PVT1: variants seen among roughly 807,000 people sequenced by gnomAD.
PVT1 encodes the protein Pvt1 oncogene.
chr8:127,905,754 T>C (rs1016689325), intron 3 of PVT1, among the ~76,000 whole-genome samples: 1 of 152,178 alleles, frequency 6.6e-6, no homozygotes, highest in Non-Finnish European at 1.5e-5. Flanking sequence ...GGCGAGGAAA[T>C]AGAGGTTGAG....
At chr8:127,923,611 G>A (rs1048429493) in intron 3 of PVT1, among the ~76,000 whole-genome samples, 4 of 152,222 alleles carry the variant, frequency 2.6e-5, no homozygotes, top group Non-Finnish European at 2.9e-5. Flanking sequence ...CTCCCCAACA[G>A]CATCACAGTC....
chr8:127,812,240 A>AAGGAAGGCAGGAAGGC (rs1164337193), intron 2 of PVT1, among the ~76,000 whole-genome samples: 3 of 127,812 alleles, frequency 2.3e-5, no homozygotes, highest in South Asian at 2.4e-4. Flanking sequence ...GGCAGGAAGG[A>AAGGAAGGCAGGAAGGC]AGGAAGGCAG....
At chr8:128,027,027 G>A (rs16902568) in intron 4 of PVT1, among the ~76,000 whole-genome samples, 12,665 of 152,198 alleles carry the variant, frequency 0.083, 774 homozygotes, top group Admixed American at 0.22. Flanking sequence ...TGTTGTGACC[G>A]TTGATTACAA....
At chr8:127,989,485 T>C (rs1204724822) in intron 4 of PVT1, among the ~76,000 whole-genome samples, 1 of 152,062 alleles carries the variant, frequency 6.6e-6, no homozygotes, top group African/African-American at 2.4e-5. Flanking sequence ...CACTTATTCA[T>C]TGTGCCTAGG....
intron 3 of PVT1, among the ~76,000 whole-genome samples, chr8:127,974,257 G>A (rs534588185): frequency 6.6e-6 from 1 of 152,120 alleles, no homozygotes; most frequent in Non-Finnish European, 1.5e-5. Context: ...TCTCTGATTA[G>A]AGATCATATT....
intron 3 of PVT1, among the ~76,000 whole-genome samples, chr8:127,924,545 T>A (rs1301313278): frequency 7.0e-6 from 1 of 143,720 alleles, no homozygotes; most frequent in African/African-American, 2.6e-5. Context: ...AGAGTCTCAC[T>A]CTGTTGCCCA....
At chr8:127,937,120 G>T (rs1046878032) in intron 3 of PVT1, among the ~76,000 whole-genome samples, 1 of 152,234 alleles carries the variant, frequency 6.6e-6, no homozygotes, top group Non-Finnish European at 1.5e-5. Flanking sequence ...ATCTGGTTCA[G>T]TCCCTTTGCT....
chr8:127,853,471 T>C (rs574899005), intron 2 of PVT1, among the ~76,000 whole-genome samples: 137 of 152,090 alleles, frequency 9.0e-4, no homozygotes, highest in African/African-American at 3.0e-3. Flanking sequence ...CACGTGGTCG[T>C]AACTGAGCTT....
intron 2 of PVT1, among the ~76,000 whole-genome samples, chr8:127,882,318 C>G (rs914989360): frequency 6.6e-6 from 1 of 152,156 alleles, no homozygotes; most frequent in Non-Finnish European, 1.5e-5. Context: ...ACAGCTGCCG[C>G]TTTCTCTGGG....
chr8:128,047,941 T>C (rs1813640250), intron 4 of PVT1, among the ~76,000 whole-genome samples: 1 of 152,186 alleles, frequency 6.6e-6, no homozygotes, highest in Admixed American at 6.5e-5. Flanking sequence ...TTGGGAACAA[T>C]CTTGAAGCTA....
intron 4 of PVT1, among the ~76,000 whole-genome samples, chr8:128,031,987 C>T (rs972546650): frequency 2.0e-5 from 3 of 152,112 alleles, no homozygotes; most frequent in Admixed American, 6.5e-5. Flanking sequence ...ATGATGATGA[C>T]GACGATGACA....
chr8:127,877,644 T>C (rs1424494282), intron 2 of PVT1, among the ~76,000 whole-genome samples: 6 of 152,188 alleles, frequency 3.9e-5, no homozygotes, highest in Non-Finnish European at 2.9e-5. Context: ...TAGTCCTGTT[T>C]TGTAAATGAG....
At chr8:128,045,534 C>T (rs1306633188) in intron 4 of PVT1, among the ~76,000 whole-genome samples, 1 of 152,174 alleles carries the variant, frequency 6.6e-6, no homozygotes, top group Admixed American at 6.5e-5. Flanking sequence ...AGGGCCAGAA[C>T]CAGCTGTCTG....
chr8:127,908,117 G>T (rs559497257), intron 3 of PVT1, among the ~76,000 whole-genome samples: 21 of 152,054 alleles, frequency 1.4e-4, no homozygotes, highest in Admixed American at 3.9e-4. Context: ...TTTGGAATTC[G>T]CCTTCTTTTT....
At chr8:127,962,398 T>C (rs993703197) in intron 3 of PVT1, among the ~76,000 whole-genome samples, 2 of 152,238 alleles carry the variant, frequency 1.3e-5, no homozygotes, top group Non-Finnish European at 2.9e-5. Context: ...TGTTCCTTCT[T>C]AATCCTTAAG....
At chr8:127,800,953 C>T (rs974568483) in intron 2 of PVT1, among the ~76,000 whole-genome samples, 1 of 152,152 alleles carries the variant, frequency 6.6e-6, no homozygotes, top group Non-Finnish European at 1.5e-5. Context: ...GTTGTCCGGT[C>T]AGAGTCAGGG....
chr8:128,061,432 G>T (rs1307182561), intron 4 of PVT1, among the ~76,000 whole-genome samples: 1 of 152,102 alleles, frequency 6.6e-6, no homozygotes, highest in Non-Finnish European at 1.5e-5. Flanking sequence ...CTTTGGGGGT[G>T]GGGCTGTTAT....
intron 3 of PVT1, among the ~76,000 whole-genome samples, chr8:127,966,335 C>T (rs1816702457): frequency 6.6e-6 from 1 of 152,174 alleles, no homozygotes; most frequent in Non-Finnish European, 1.5e-5. Flanking sequence ...ACCTGAATTG[C>T]TGAGGTTCAT....
At chr8:127,874,603 CT>C (rs1264999241) in intron 2 of PVT1, among the ~76,000 whole-genome samples, 1 of 152,130 alleles carries the variant, frequency 6.6e-6, no homozygotes, top group Admixed American at 6.5e-5. Context: ...CTGAGCCACA[CT>C]CAAATTCTTG....
Sources: gnomAD v4.1 joint callset for allele counts (sites outside exome capture counted in the v4.1 genomes callset) on GRCh38, gnomAD v4.1.1 for gene constraint, MANE v1.5 for transcripts, NCBI Gene and HGNC (gene_info 2026-07-23, HGNC 2026-07-21) for gene names.